Variants in CBFA2T2 observed in about 807,000 individuals in gnomAD.
The protein encoded by CBFA2T2 is CBFA2/RUNX1 partner transcriptional co-repressor 2, also known as protein CBFA2T2.
A neutral mutation model predicts 62.2 loss-of-function variants in CBFA2T2; 11 were observed. The ratio of observed to expected loss-of-function variants is 0.18; its 90% CI spans 0.11 to 0.29. The LOEUF (loss-of-function observed/expected upper bound fraction) is 0.29. CBFA2T2 is among the 10% of genes least tolerant of loss of function. CBFA2T2 has a pLI of 1.00. For synonymous variants in CBFA2T2, 295 were observed against 287.5 expected, an observed-to-expected ratio of 1.03 and a Z score of -0.27; for missense variants, 592 against 774.1, an observed-to-expected ratio of 0.76 and a Z score of 2.79.
At chr20:33,500,719 ATAAAAATT>A (rs1253607760) in intron 1 of CBFA2T2, among the ~76,000 whole-genome samples, 2 of 152,198 alleles carry the variant, frequency 1.3e-5, no homozygotes, top group African/African-American at 2.4e-5. Flanking sequence ...AAAAAAATAA[ATAAAAATT>A]TAAAAATTTA....
rs572056823 is a variant in CBFA2T2, at chr20:33,562,610, A to G, written c.35-44346A>G. On this transcript the variant is annotated intron_variant, in intron 1 of 10. Transcript: ENST00000342704. Reference sequence around the variant, plus strand: ...GGAGGAGAAAAAGAGGAGCTTTGGAATATCTATTTCAAATAAATTTGGTGT... The same window carrying G: ...GGAGGAGAAAAAGAGGAGCTTTGGAGTATCTATTTCAAATAAATTTGGTGT... 10 of 985,730 alleles carry G rather than the reference A, an allele frequency of 1.0e-5. No individual in the cohort carries two copies. In the East Asian group the frequency reaches 9.1e-4, roughly 89 times the overall value. 61.1% of individuals were successfully genotyped at this position (985,730 alleles called of 1,614,324 possible).
At chr20:33,605,293 C>T (rs1457884222) in intron 1 of CBFA2T2, among the ~76,000 whole-genome samples, 1 of 152,166 alleles carries the variant, frequency 6.6e-6, no homozygotes, top group Non-Finnish European at 1.5e-5. Context: ...ACTTTACCTT[C>T]TTATTTGAGC....
intron 1 of CBFA2T2, among the ~76,000 whole-genome samples, chr20:33,548,910 T>G (rs1282979867): frequency 6.6e-6 from 1 of 152,250 alleles, no homozygotes; most frequent in Non-Finnish European, 1.5e-5. Flanking sequence ...GAGCTATGAT[T>G]CCCTCCTTTG....
At chr20:33,596,187 T>A (rs1190003918) in intron 1 of CBFA2T2, among the ~76,000 whole-genome samples, 1 of 152,208 alleles carries the variant, frequency 6.6e-6, no homozygotes, top group African/African-American at 2.4e-5. Context: ...GTAATGAAAA[T>A]TTTATATTAA....
intron 9 of CBFA2T2, among the ~76,000 whole-genome samples, chr20:33,637,798 G>T (rs2016682175): frequency 6.6e-6 from 1 of 151,056 alleles, no homozygotes; most frequent in Non-Finnish European, 1.5e-5. Flanking sequence ...CTCCCAAGTA[G>T]CTGGGATTAC....
At chr20:33,547,687 A>ATG (rs60988030) in intron 1 of CBFA2T2, among the ~76,000 whole-genome samples, 28,042 of 138,908 alleles carry the variant, frequency 0.2, 2,773 homozygotes, top group East Asian at 0.29. Context: ...TCTCAAAAAA[A>ATG]TGTGTGTGTG....
At chr20:33,541,363 C>T (rs990997301) in intron 1 of CBFA2T2, among the ~76,000 whole-genome samples, 8 of 152,300 alleles carry the variant, frequency 5.3e-5, no homozygotes, top group Non-Finnish European at 1.2e-4. Context: ...TCCATATACC[C>T]GCCCATCTCC....
chr20:33,511,635 T>G (rs1229816637), intron 1 of CBFA2T2, among the ~76,000 whole-genome samples: 1 of 152,216 alleles, frequency 6.6e-6, no homozygotes, highest in Non-Finnish European at 1.5e-5. Flanking sequence ...CATAAACTTT[T>G]TATTAAATAG....
At chr20:33,543,810 T>A (rs1399656750) in intron 1 of CBFA2T2, among the ~76,000 whole-genome samples, 2 of 152,142 alleles carry the variant, frequency 1.3e-5, no homozygotes, top group Non-Finnish European at 1.5e-5. Flanking sequence ...AAAGCACTGA[T>A]AACTAAATTA....
Position 33,646,045 on chromosome 20 carries a change from C to T in CBFA2T2, c.*1399C>T, listed in dbSNP as rs1278553095. ...TTAACACAAAGTCTCACTCTGTTGC[C>T]CAGGCTGGAGTGCAGTGGCATGATC... On this transcript the variant is annotated 3_prime_UTR_variant, in exon 11 of 11. Coordinates refer to ENST00000342704, the MANE Select transcript of CBFA2T2 (RefSeq NM_001032999.3). 1 of 152,044 alleles carries T rather than the reference C, an allele frequency of 6.6e-6. No individual in the cohort carries two copies. Among genetic ancestry groups the T allele is most frequent in the African/African-American group, 2.4e-5 (1 of 41,374 alleles). 9.4% of individuals were successfully genotyped at this position (152,044 alleles called of 1,614,324 possible). A position where few individuals can be genotyped will look rare whatever the true frequency, so the allele number is the denominator to read the frequency against.
chr20:33,567,232 CTT>C (rs1388668603), intron 1 of CBFA2T2, among the ~76,000 whole-genome samples: 2 of 152,176 alleles, frequency 1.3e-5, no homozygotes, highest in Non-Finnish European at 2.9e-5. Flanking sequence ...AAAAGCAACT[CTT>C]TGTGTTTTGT....
chr20:33,496,567 A>G (rs1360106203), intron 1 of CBFA2T2, among the ~76,000 whole-genome samples: 1 of 152,212 alleles, frequency 6.6e-6, no homozygotes, highest in African/African-American at 2.4e-5. Context: ...AAGGAAGTCT[A>G]AACAGTTAAA....
intron 3 of CBFA2T2, among the ~76,000 whole-genome samples, chr20:33,618,255 T>TA (rs1421754228): frequency 1.3e-5 from 2 of 152,252 alleles, no homozygotes; most frequent in African/African-American, 4.8e-5. Context: ...TTTGAACACT[T>TA]ACAAAGTTTC....
chr20:33,533,676 A>G (rs1013837589), intron 1 of CBFA2T2, among the ~76,000 whole-genome samples: 31 of 152,082 alleles, frequency 2.0e-4, no homozygotes, highest in African/African-American at 7.5e-4. Context: ...TTTTTAAAAA[A>G]AAAAGCACAG....
At chr20:33,553,684 T>C (rs577249932) in intron 1 of CBFA2T2, among the ~76,000 whole-genome samples, 2 of 152,344 alleles carry the variant, frequency 1.3e-5, no homozygotes, top group South Asian at 4.1e-4. Flanking sequence ...AGTGAAACTT[T>C]GTTTACTAAA....
At chr20:33,547,884 T>C (rs2012626485) in intron 1 of CBFA2T2, among the ~76,000 whole-genome samples, 1 of 152,214 alleles carries the variant, frequency 6.6e-6, no homozygotes, top group Non-Finnish European at 1.5e-5. Context: ...AATTTTTATT[T>C]ATAAAACCAG....
chr20:33,629,721 G>T lies in CBFA2T2; in HGVS notation c.1035G>T (p.Ala345=), dbSNP rs145536057. The part of the protein sequence containing the change: ...WADEWKHLDH[A]LNCIMEMVEK... ...GCCTGGCCCCCTCTGTGACTCAGGC[G>T]CTGAATTGCATTATGGAAATGGTAG... Residue 345 remains alanine (A), a splice_region_variant and synonymous_variant, in exon 8 of 11, where the codon GCG becomes GCT. Transcript: ENST00000342704. 6.2e-7 allele frequency: 1 copy of T among 1,611,774 alleles called. No homozygotes were observed. The highest frequency in any genetic ancestry group is 2.2e-5 in the East Asian group (1 of 44,862).
chr20:33,578,518 T>C (rs188980249), intron 1 of CBFA2T2, among the ~76,000 whole-genome samples: 15 of 152,360 alleles, frequency 9.8e-5, no homozygotes, highest in African/African-American at 3.6e-4. Context: ...CATAAGGTTG[T>C]AGAGTTGCCA....
At chr20:33,598,588 C>T (rs201264751) in intron 1 of CBFA2T2, among the ~76,000 whole-genome samples, 1 of 152,122 alleles carries the variant, frequency 6.6e-6, no homozygotes, top group Non-Finnish European at 1.5e-5. Flanking sequence ...TCAAACACAC[C>T]TGCTGTACAA....
Sources: gnomAD v4.1 joint callset for allele counts (sites outside exome capture counted in the v4.1 genomes callset) on GRCh38, gnomAD v4.1.1 for gene constraint, MANE v1.5 for transcripts, NCBI Gene and HGNC (gene_info 2026-07-23, HGNC 2026-07-21) for gene names.